TLK2: variants seen among roughly 807,000 people sequenced by gnomAD.
TLK2 encodes tousled like kinase 2, also known as serine/threonine-protein kinase tousled-like 2.
TLK2 carries 6 observed loss-of-function variants against 117.3 expected under a neutral mutation model. The observed-to-expected ratio is 0.05, with a 90% CI of 0.03 to 0.10. The LOEUF (loss-of-function observed/expected upper bound fraction) is 0.10. Among genes scored for constraint, TLK2 ranks in the 10% least tolerant of loss-of-function variants. The probability of loss-of-function intolerance (pLI) is 1.00; values close to 1 mark genes in which losing one functional copy is unlikely to be tolerated. For missense variants in TLK2, 299 were observed against 901.2 expected, an observed-to-expected ratio of 0.33 and a Z score of 8.56; for synonymous variants, 257 against 316.7, an observed-to-expected ratio of 0.81 and a Z score of 2.00.
At chr17:62,604,881 AT>A (rs1374479507) in intron 19 of TLK2, among the ~76,000 whole-genome samples, 4 of 152,116 alleles carry the variant, frequency 2.6e-5, no homozygotes, top group Non-Finnish European at 5.9e-5. Flanking sequence ...AAAAAAAAAA[AT>A]CTTGCTAACT....
intron 2 of TLK2, among the ~76,000 whole-genome samples, chr17:62,515,262 G>A (rs544660216): frequency 6.6e-5 from 10 of 152,214 alleles, no homozygotes; most frequent in African/African-American, 2.4e-4. Context: ...GCACCTTTTG[G>A]CTATTGTGAA....
intron 10 of TLK2, among the ~76,000 whole-genome samples, chr17:62,563,777 G>A (rs143967055): frequency 3.8e-4 from 58 of 152,246 alleles, no homozygotes; most frequent in Admixed American, 2.2e-3. Context: ...AGTTCATGAC[G>A]TATAATTGGT....
intron 7 of TLK2, among the ~76,000 whole-genome samples, chr17:62,542,673 TGAAAA>T (rs1372511724): frequency 6.6e-6 from 1 of 152,200 alleles, no homozygotes; most frequent in African/African-American, 2.4e-5. Context: ...TTGGACTCAC[TGAAAA>T]GAAGAGAGAC....
chr17:62,530,070 C>T (rs374864235), intron 6 of TLK2, among the ~76,000 whole-genome samples: 1 of 151,958 alleles, frequency 6.6e-6, no homozygotes, highest in East Asian at 1.9e-4. Flanking sequence ...GTCAGGAGTT[C>T]GAGACCAGCC....
At chr17:62,603,373 A>G (rs2083017125) in intron 19 of TLK2, among the ~76,000 whole-genome samples, 1 of 152,198 alleles carries the variant, frequency 6.6e-6, no homozygotes, top group Non-Finnish European at 1.5e-5. Context: ...TAGAAGCTGC[A>G]TTTACAATGT....
chr17:62,541,501 A>T (rs60962828), intron 7 of TLK2, among the ~76,000 whole-genome samples: 10 of 152,252 alleles, frequency 6.6e-5, no homozygotes, highest in African/African-American at 2.4e-4. Flanking sequence ...CCAATGAAAG[A>T]TTTCTAAATA....
At chr17:62,523,960 A>G (rs914542953) in intron 5 of TLK2, among the ~76,000 whole-genome samples, 1 of 152,154 alleles carries the variant, frequency 6.6e-6, no homozygotes, top group African/African-American at 2.4e-5. Flanking sequence ...AAGGGAAAAC[A>G]TTCTTCTCTC....
intron 9 of TLK2, among the ~76,000 whole-genome samples, chr17:62,559,516 T>C (rs1347392779): frequency 6.6e-6 from 1 of 152,040 alleles, no homozygotes; most frequent in Non-Finnish European, 1.5e-5. Flanking sequence ...TAGCTGGAAT[T>C]ACAGGCTCCC....
chr17:62,539,847 A>G (rs1489795997), intron 7 of TLK2, among the ~76,000 whole-genome samples: 2 of 152,014 alleles, frequency 1.3e-5, no homozygotes, highest in East Asian at 1.9e-4. Flanking sequence ...TTTAACTCCT[A>G]TGTGCAGAGG....
At chr17:62,573,040 A>T in intron 11 of TLK2, 175 bp from the exon 12 acceptor site, 2 of 625,432 alleles carry the variant, frequency 3.2e-6, no homozygotes, top group South Asian at 2.2e-5. Flanking sequence ...CCCAGAAAAC[A>T]TCTATCACCA....
chr17:62,518,066 G>A (rs1018867520), intron 2 of TLK2, among the ~76,000 whole-genome samples: 14 of 152,204 alleles, frequency 9.2e-5, no homozygotes, highest in Non-Finnish European at 2.1e-4. Context: ...TGTTTTGTCC[G>A]TTTGGGGTTT....
chr17:62,596,580 T>C lies in TLK2; in HGVS notation c.1461-5T>C. On this transcript the variant is annotated splice_polypyrimidine_tract_variant and splice_region_variant and intron_variant, in intron 16 of 21. Coordinates refer to ENST00000346027, the MANE Select transcript of TLK2 (RefSeq NM_006852.6). ...CTTCTTGTTAATTTTCCCTTTTGTT[T>C]ACAGGCATGCATGTAGGGAATACCG... The C allele has an allele frequency of 2.5e-6, 4 of 1,613,064 alleles. No homozygotes were observed. The highest frequency in any genetic ancestry group is 2.5e-6 in the Non-Finnish European group (3 of 1,179,162).
rs201122211 is a variant in TLK2 at position 62,614,125 on chromosome 17, GA to G, written c.*1580del. 0.22 allele frequency: 12,619 copies of G among 58,598 alleles called. 967 individuals are homozygous for G. Among genetic ancestry groups the G allele is most frequent in the African/African-American group, 0.39 (7,840 of 20,092 alleles). The allele number at this position is 58,598 out of a possible 1,614,324, so 3.6% of individuals were successfully genotyped here. A position where few individuals can be genotyped will look rare whatever the true frequency, so the allele number is the denominator to read the frequency against. ...GGCAACAGAATGAGACTCTGTCTCA[GA>G]AAAAAAAAAAAAAAAAAAAGGAGAA... On this transcript the variant is annotated 3_prime_UTR_variant, in exon 22 of 22. Coordinates refer to ENST00000346027, the MANE Select transcript of TLK2 (RefSeq NM_006852.6).
intron 15 of TLK2, among the ~76,000 whole-genome samples, chr17:62,584,425 T>G (rs2081462883): frequency 6.6e-6 from 1 of 152,176 alleles, no homozygotes; most frequent in South Asian, 2.1e-4. Flanking sequence ...TATTTAATGT[T>G]TTTAAAAATT....
intron 1 of TLK2, among the ~76,000 whole-genome samples, chr17:62,479,632 A>G (rs1321000011): frequency 6.6e-6 from 1 of 151,190 alleles, no homozygotes; most frequent in African/African-American, 2.4e-5. Flanking sequence ...GGAGTTGGGG[A>G]AAGTTTGGAG....
At chr17:62,476,512 G>A (rs187924908), upstream of TLK2, among the ~76,000 whole-genome samples, 314 of 152,108 alleles carry the variant, frequency 2.1e-3, 1 homozygote, top group African/African-American at 7.3e-3. Flanking sequence ...GAACCCAGGA[G>A]AAAGAGGTTG....
At chr17:62,505,755 G>A (rs2074633206) in intron 2 of TLK2, among the ~76,000 whole-genome samples, 1 of 152,084 alleles carries the variant, frequency 6.6e-6, no homozygotes, top group African/African-American at 2.4e-5. Context: ...GCAGTGGTGC[G>A]ATCAAGGCTG....
chr17:62,595,513 A>G (rs1254284130), intron 16 of TLK2, among the ~76,000 whole-genome samples: 1 of 150,968 alleles, frequency 6.6e-6, no homozygotes, highest in African/African-American at 2.4e-5. Context: ...TGGTGACATC[A>G]TGACTGCTGG....
In TLK2 at chr17:62,549,230, T is replaced by TA. The variant is rs1248763800; in HGVS notation, c.532-3062dup. 6.0e-3 allele frequency among the ~76,000 whole-genome samples: 833 copies of TA among 139,962 alleles called. 7 individuals are homozygous for TA. Among genetic ancestry groups the TA allele is most frequent in the African/African-American group, 0.02 (755 of 38,604 alleles). The allele number at this position is 139,962 out of a possible 152,430, so 91.8% of individuals were successfully genotyped here. The stretch of plus-strand genomic sequence containing the variant: ...AACCTGGTGAAAACACCGTCTGTAC[T>TA]AAAAAAAAAATACAAAAAATTACCC... On this transcript the variant is annotated intron_variant, in intron 7 of 21. Coordinates refer to ENST00000346027, the MANE Select transcript of TLK2 (RefSeq NM_006852.6).
Sources: allele counts gnomAD v4.1 joint callset (sites outside exome capture counted in the v4.1 genomes callset), GRCh38; gene constraint gnomAD v4.1.1; transcripts MANE v1.5; gene names NCBI Gene and HGNC (gene_info 2026-07-23, HGNC 2026-07-21).